MOB3B: variants seen among roughly 807,000 people sequenced by gnomAD.
MOB3B encodes MOB kinase activator 3B, also known as MOB kinase activator-like 2B.
Under a neutral mutation model 18.7 loss-of-function variants are expected in MOB3B, and 7 were observed. That is an observed-to-expected ratio of 0.37 (90% confidence interval 0.21 to 0.70). The LOEUF (loss-of-function observed/expected upper bound fraction) is 0.70. Ranked by LOEUF, MOB3B falls within the 30% of genes least tolerant of loss-of-function variation. MOB3B has a pLI of 0.52. For missense variants in MOB3B, 253 were observed against 281.3 expected (o/e 0.90, Z 0.72); for synonymous variants, 111 against 99.9 (o/e 1.11, Z -0.66).
chr9:27,464,016 G>A (rs1380664543), intron 1 of MOB3B, among the ~76,000 whole-genome samples: 1 of 152,126 alleles, frequency 6.6e-6, no homozygotes, highest in African/African-American at 2.4e-5. Context: ...TACCTTTATT[G>A]TAAGGTTACT....
At chr9:27,465,611 C>T (rs1182417693) in intron 1 of MOB3B, among the ~76,000 whole-genome samples, 4 of 152,220 alleles carry the variant, frequency 2.6e-5, no homozygotes, top group Non-Finnish European at 5.9e-5. Context: ...TTCTGCACTG[C>T]CCTAGCGGAG....
In MOB3B at chr9:27,523,587, A is replaced by G. The variant is rs559099315; in HGVS notation, c.-199+5968T>C. On this transcript the variant is annotated intron_variant, in intron 1 of 3. Transcript: ENST00000262244. ...CTTTTAAGAAAGGTATCAGAGGCAT[A>G]TGGAAGGCTAAGTCCAGGATGGATT... Among the ~76,000 whole-genome samples the G allele has an allele frequency of 1.8e-4, 27 of 152,286 alleles. No homozygotes were observed. In the South Asian group the frequency reaches 4.6e-3, roughly 26 times the overall value.
intron 2 of MOB3B, among the ~76,000 whole-genome samples, chr9:27,420,060 A>C (rs936900868): frequency 9.2e-5 from 14 of 152,228 alleles, no homozygotes; most frequent in Non-Finnish European, 1.9e-4. Flanking sequence ...AAAAATGTTC[A>C]ACATCACTAA....
intron 2 of MOB3B, among the ~76,000 whole-genome samples, chr9:27,401,130 G>A (rs1267286247): frequency 6.6e-6 from 1 of 152,164 alleles, no homozygotes; most frequent in African/African-American, 2.4e-5. Context: ...GAAGAGCAGG[G>A]GCCGGGTGCT....
intron 2 of MOB3B, among the ~76,000 whole-genome samples, chr9:27,443,203 C>A (rs1020620502): frequency 5.3e-5 from 8 of 152,152 alleles, no homozygotes; most frequent in African/African-American, 1.9e-4. Flanking sequence ...CGTGACACAA[C>A]TGAAAAGCAG....
At chr9:27,448,101 T>C (rs1256877292) in intron 2 of MOB3B, among the ~76,000 whole-genome samples, 2 of 152,196 alleles carry the variant, frequency 1.3e-5, no homozygotes, top group African/African-American at 2.4e-5. Context: ...AAGAGTGATG[T>C]TGACTCTGGG....
chr9:27,415,288 G>A (rs1233736830), intron 2 of MOB3B, among the ~76,000 whole-genome samples: 1 of 152,138 alleles, frequency 6.6e-6, no homozygotes. Flanking sequence ...AAATGGTACT[G>A]TTTGCTTTTA....
At chr9:27,428,879 C>G (rs1381956378) in intron 2 of MOB3B, among the ~76,000 whole-genome samples, 1 of 152,176 alleles carries the variant, frequency 6.6e-6, no homozygotes, top group East Asian at 1.9e-4. Flanking sequence ...GAAGCTTTAC[C>G]AAAGTCTGAG....
chr9:27,503,921 C>T (rs779543366), intron 1 of MOB3B, among the ~76,000 whole-genome samples: 2 of 152,200 alleles, frequency 1.3e-5, no homozygotes, highest in African/African-American at 2.4e-5. Context: ...CAGGCTGTCC[C>T]GGCTCCAGAG....
At chr9:27,378,249 T>G in intron 2 of MOB3B, 1 of 423,738 alleles carries the variant, frequency 2.4e-6, no homozygotes, top group Non-Finnish European at 4.9e-6. Context: ...GCTTCTAGAC[T>G]GAAAAGACTG....
intron 2 of MOB3B, among the ~76,000 whole-genome samples, chr9:27,365,738 G>T (rs866313645): frequency 3.3e-4 from 50 of 152,188 alleles, no homozygotes; most frequent in African/African-American, 9.9e-4. Flanking sequence ...CATTGAGAAA[G>T]TGTTCAGACT....
chr9:27,465,831 A>T (rs1166337664), intron 1 of MOB3B, among the ~76,000 whole-genome samples: 1 of 152,154 alleles, frequency 6.6e-6, no homozygotes, highest in Non-Finnish European at 1.5e-5. Context: ...CCTTTCGGCC[A>T]CAGCTGGAAT....
intron 1 of MOB3B, among the ~76,000 whole-genome samples, chr9:27,465,968 C>G (rs1388388200): frequency 6.6e-6 from 1 of 152,200 alleles, no homozygotes; most frequent in African/African-American, 2.4e-5. Flanking sequence ...ATGAAGATCT[C>G]TGACATGGCC....
intron 1 of MOB3B, among the ~76,000 whole-genome samples, chr9:27,515,235 G>T (rs1439395245): frequency 6.6e-6 from 1 of 151,978 alleles, no homozygotes; most frequent in Non-Finnish European, 1.5e-5. Flanking sequence ...ACTAATCTTT[G>T]TTCTCTTGTA....
intron 1 of MOB3B, among the ~76,000 whole-genome samples, chr9:27,479,732 A>T (rs77705527): frequency 0.053 from 8,130 of 152,216 alleles, 503 homozygotes; most frequent in African/African-American, 0.15. Context: ...AACTTAAAGT[A>T]CTCTATGGCC....
intron 1 of MOB3B, among the ~76,000 whole-genome samples, chr9:27,526,710 G>A (rs1019404819): frequency 3.9e-5 from 6 of 152,050 alleles, no homozygotes; most frequent in Non-Finnish European, 8.8e-5. Flanking sequence ...CATCTCCACT[G>A]GAAAAAAGGC....
intron 1 of MOB3B, among the ~76,000 whole-genome samples, chr9:27,497,062 A>G (rs191501418): frequency 4.3e-4 from 65 of 152,360 alleles, no homozygotes; most frequent in Middle Eastern, 6.8e-3. Flanking sequence ...TCTTCTTCAT[A>G]GAGTAAAAAT....
chr9:27,379,823 T>C (rs1367895458), intron 2 of MOB3B, among the ~76,000 whole-genome samples: 1 of 152,246 alleles, frequency 6.6e-6, no homozygotes, highest in Non-Finnish European at 1.5e-5. Context: ...ACTATTTCTT[T>C]GGTCTAAATA....
intron 1 of MOB3B, among the ~76,000 whole-genome samples, chr9:27,471,208 C>T: frequency 6.6e-6 from 1 of 152,208 alleles, no homozygotes. Flanking sequence ...GGGAGTCTGA[C>T]ATGCCTGGCC....
Sources: gnomAD v4.1 joint callset for allele counts (sites outside exome capture counted in the v4.1 genomes callset) on GRCh38, gnomAD v4.1.1 for gene constraint, MANE v1.5 for transcripts, NCBI Gene and HGNC (gene_info 2026-07-23, HGNC 2026-07-21) for gene names.